Variants in CAMK2D observed in about 807,000 individuals in gnomAD.
The protein encoded by CAMK2D is calcium/calmodulin dependent protein kinase II delta, also known as calcium/calmodulin-dependent protein kinase type II subunit delta.
Under a neutral mutation model 84.0 loss-of-function variants are expected in CAMK2D, and 37 were observed. That is an observed-to-expected ratio of 0.44 (90% CI 0.34 to 0.58). The LOEUF is 0.58. CAMK2D is among the 20% of genes least tolerant of loss of function. The probability of loss-of-function intolerance (pLI) is 0.02; values close to 1 mark genes in which losing one functional copy is unlikely to be tolerated. For synonymous variants in CAMK2D, 202 were observed against 212.5 expected (o/e 0.95, Z 0.43); for missense variants, 448 against 652.5 (o/e 0.69, Z 3.41).
chr4:113,542,291 A>G (rs1268486412), intron 6 of CAMK2D, among the ~76,000 whole-genome samples: 1 of 152,234 alleles, frequency 6.6e-6, no homozygotes, highest in Non-Finnish European at 1.5e-5. Context: ...ATATCTAAAT[A>G]TACATACACA....
At chr4:113,510,223 A>C (rs1232188839) in intron 12 of CAMK2D, among the ~76,000 whole-genome samples, 1 of 152,232 alleles carries the variant, frequency 6.6e-6, no homozygotes, top group African/African-American at 2.4e-5. Flanking sequence ...TATTTAAATA[A>C]AATGGCATAT....
At chr4:113,460,779 A>G (rs2097363923) in intron 17 of CAMK2D, among the ~76,000 whole-genome samples, 1 of 151,992 alleles carries the variant, frequency 6.6e-6, no homozygotes, top group South Asian at 2.1e-4. Context: ...TCAACCTTCC[A>G]GACTCAAGCA....
intron 4 of CAMK2D, among the ~76,000 whole-genome samples, chr4:113,599,661 C>T (rs1384405621): frequency 1.3e-5 from 2 of 152,178 alleles, no homozygotes; most frequent in Non-Finnish European, 2.9e-5. Flanking sequence ...TAATAGCCTA[C>T]TGTTGACTGG....
intron 8 of CAMK2D, among the ~76,000 whole-genome samples, chr4:113,522,033 C>T (rs2098366705): frequency 6.6e-6 from 1 of 151,246 alleles, no homozygotes; most frequent in African/African-American, 2.4e-5. Flanking sequence ...TTGGGAGATG[C>T]TAGAGATGTC....
chr4:113,468,984 G>A (rs1019021947), intron 16 of CAMK2D, among the ~76,000 whole-genome samples: 2 of 152,152 alleles, frequency 1.3e-5, no homozygotes, highest in African/African-American at 4.8e-5. Context: ...TTAGGAAAAG[G>A]AAAAAGAGAA....
chr4:113,602,751 C>T (rs1000765862), intron 4 of CAMK2D, among the ~76,000 whole-genome samples: 5 of 152,180 alleles, frequency 3.3e-5, no homozygotes, highest in Admixed American at 3.3e-4. Context: ...TCTCTGAGTG[C>T]TTCCATGTGA....
intron 3 of CAMK2D, among the ~76,000 whole-genome samples, chr4:113,611,532 G>A (rs1313475216): frequency 2.6e-5 from 4 of 152,192 alleles, no homozygotes; most frequent in African/African-American, 7.2e-5. Context: ...TTAGGTGCAG[G>A]TGGGATCTCA....
chr4:113,612,873 TA>T (rs886924244), intron 3 of CAMK2D, among the ~76,000 whole-genome samples: 4 of 152,190 alleles, frequency 2.6e-5, no homozygotes, highest in African/African-American at 9.7e-5. Context: ...ACCCATGGCC[TA>T]ATTCTTTTCC....
intron 4 of CAMK2D, among the ~76,000 whole-genome samples, chr4:113,591,911 C>T (rs147235574): frequency 6.6e-6 from 1 of 152,248 alleles, no homozygotes; most frequent in East Asian, 1.9e-4. Flanking sequence ...CTCACCTTGT[C>T]TTAGGGCTCA....
intron 4 of CAMK2D, among the ~76,000 whole-genome samples, chr4:113,567,913 T>C (rs1399054223): frequency 6.6e-6 from 1 of 152,216 alleles, no homozygotes; most frequent in Non-Finnish European, 1.5e-5. Context: ...TTGGTTAATA[T>C]ACTGCAACCA....
chr4:113,597,255 C>T (rs1429788135), intron 4 of CAMK2D, among the ~76,000 whole-genome samples: 1 of 152,196 alleles, frequency 6.6e-6, no homozygotes, highest in South Asian at 2.1e-4. Flanking sequence ...TATGAAAGTC[C>T]CAGATGGCAT....
At chr4:113,692,831 G>C (rs1225415368) in intron 2 of CAMK2D, among the ~76,000 whole-genome samples, 1 of 151,740 alleles carries the variant, frequency 6.6e-6, no homozygotes, top group African/African-American at 2.4e-5. Context: ...ATATTCCCTG[G>C]ATACAAGTAT....
intron 17 of CAMK2D, 46 bp from the exon 18 acceptor site, chr4:113,460,287 A>G (rs550751815): frequency 1.9e-6 from 2 of 1,034,492 alleles, no homozygotes; most frequent in Admixed American, 3.7e-5. Flanking sequence ...AGGTGCTTTA[A>G]TGTGTTTTGT....
intron 4 of CAMK2D, among the ~76,000 whole-genome samples, chr4:113,555,330 C>G (rs1252077181): frequency 6.6e-6 from 1 of 152,138 alleles, no homozygotes; most frequent in Admixed American, 6.5e-5. Flanking sequence ...CAGGTTGGAG[C>G]TGATGGGAAA....
intron 13 of CAMK2D, chr4:113,508,275 T>C (rs1290218355): frequency 1.3e-6 from 2 of 1,542,140 alleles, no homozygotes; most frequent in South Asian, 2.4e-5. Context: ...TTTTCTGAAT[T>C]GACCAGTCAA....
intron 4 of CAMK2D, among the ~76,000 whole-genome samples, chr4:113,579,596 T>G (rs1233085820): frequency 1.3e-5 from 2 of 152,156 alleles, no homozygotes; most frequent in African/African-American, 4.8e-5. Flanking sequence ...TCTCTTGCCA[T>G]GTGACACTGC....
At chr4:113,675,925 A>G (rs72895910) in intron 2 of CAMK2D, among the ~76,000 whole-genome samples, 10,848 of 152,280 alleles carry the variant, frequency 0.071, 490 homozygotes, top group African/African-American at 0.13. Flanking sequence ...TATCATCTTG[A>G]AATATGCAAG....
chr4:113,536,616 G>T (rs578219777), intron 7 of CAMK2D, among the ~76,000 whole-genome samples: 34 of 152,264 alleles, frequency 2.2e-4, no homozygotes, highest in Admixed American at 1.9e-3. Context: ...TACATGGGAA[G>T]TGGGTTGGAT....
intron 4 of CAMK2D, among the ~76,000 whole-genome samples, chr4:113,602,763 C>T (rs1053732530): frequency 2.0e-5 from 3 of 152,148 alleles, no homozygotes; most frequent in East Asian, 3.8e-4. Context: ...TCCATGTGAA[C>T]GTATTATACA....
Sources: gnomAD v4.1 joint callset for allele counts (sites outside exome capture counted in the v4.1 genomes callset) on GRCh38, gnomAD v4.1.1 for gene constraint, MANE v1.5 for transcripts, NCBI Gene and HGNC (gene_info 2026-07-23, HGNC 2026-07-21) for gene names.